Variants in BEND3 observed in about 807,000 individuals in gnomAD.
BEND3 encodes BEN domain containing 3.
A neutral mutation model predicts 60.1 loss-of-function variants in BEND3; 13 were observed. The ratio of observed to expected loss-of-function variants is 0.22; its 90% confidence interval spans 0.14 to 0.34. The LOEUF (loss-of-function observed/expected upper bound fraction) is 0.34. Among genes scored for constraint, BEND3 ranks in the 10% least tolerant of loss-of-function variants. The probability of loss-of-function intolerance (pLI) is 1.00; values close to 1 mark genes in which losing one functional copy is unlikely to be tolerated. For missense variants in BEND3, 896 were observed against 1,138.1 expected (o/e 0.79, Z 3.06); for synonymous variants, 497 against 491.5 (o/e 1.01, Z -0.15).
intron 3 of BEND3, among the ~76,000 whole-genome samples, chr6:107,097,210 T>C (rs1582664065): frequency 6.6e-6 from 1 of 150,844 alleles, no homozygotes; most frequent in African/African-American, 2.4e-5. Flanking sequence ...CTACTAAAAA[T>C]ACAAAAATTA....
intron 1 of BEND3, among the ~76,000 whole-genome samples, chr6:107,105,737 G>A (rs941506947): frequency 6.6e-6 from 1 of 152,160 alleles, no homozygotes; most frequent in Non-Finnish European, 1.5e-5. Context: ...AGCTGACTCC[G>A]GATTTTACCC....
intron 1 of BEND3, among the ~76,000 whole-genome samples, chr6:107,109,589 A>T (rs1775897709): frequency 2.6e-5 from 4 of 151,360 alleles, no homozygotes; most frequent in Non-Finnish European, 5.9e-5. Context: ...AAATACAAAA[A>T]AATTGCCGGC....
At chr6:107,077,449 C>T (rs1013099852) in intron 3 of BEND3, among the ~76,000 whole-genome samples, 24 of 152,088 alleles carry the variant, frequency 1.6e-4, no homozygotes, top group African/African-American at 5.1e-4. Flanking sequence ...AGCATCAATA[C>T]GGTGACCTCC....
At chr6:107,099,401 T>A in intron 1 of BEND3, 105 bp from the exon 2 acceptor site, 1 of 950,592 alleles carries the variant, frequency 1.1e-6, no homozygotes, top group Non-Finnish European at 1.7e-6. Flanking sequence ...CAGCTCTAGG[T>A]AACAGAGCAG....
At chr6:107,082,672 G>A (rs949806482) in intron 3 of BEND3, among the ~76,000 whole-genome samples, 7 of 152,066 alleles carry the variant, frequency 4.6e-5, no homozygotes, top group South Asian at 4.2e-4. Context: ...CAGGTGATCC[G>A]CTTGCCTCAG....
chr6:107,068,562 G>A lies in BEND3; in HGVS notation c.*142C>T. ...TGCGGTTGGGTGGGTGTTTACGTGT[G>A]CAAATGTAGTAAGCCACTCCCCACG... On this transcript the variant is annotated 3_prime_UTR_variant, in exon 4 of 4. Coordinates refer to ENST00000369042, the MANE Select transcript of BEND3 (RefSeq NM_001367314.1). This position sits in a 1 kb window ranked among gnomAD's most constrained non-coding sequence, Gnocchi z 5.8. 5.5e-6 allele frequency: 5 copies of A among 905,416 alleles called. No homozygotes were observed. The South Asian group carries it at 7.1e-5, about 13-fold the overall frequency. 56.1% of individuals were successfully genotyped at this position (905,416 alleles called of 1,614,324 possible).
chr6:107,102,215 T>A (rs1245278148), intron 1 of BEND3, among the ~76,000 whole-genome samples: 3 of 152,144 alleles, frequency 2.0e-5, no homozygotes, highest in African/African-American at 7.2e-5. Flanking sequence ...CAACCATGTG[T>A]CTCTGGCAGG....
chr6:107,109,362 G>T (rs1775890422), intron 1 of BEND3, among the ~76,000 whole-genome samples: 1 of 145,548 alleles, frequency 6.9e-6, no homozygotes, highest in South Asian at 2.2e-4. Flanking sequence ...GAGAATCCTT[G>T]AACCTGGGAG....
At chr6:107,076,929 C>T (rs1440633239) in intron 3 of BEND3, among the ~76,000 whole-genome samples, 2 of 151,938 alleles carry the variant, frequency 1.3e-5, no homozygotes, top group Admixed American at 1.3e-4. Flanking sequence ...GCCATCACTC[C>T]CCACCCTCCC....
At chr6:107,103,894 G>A (rs1385204367) in intron 1 of BEND3, among the ~76,000 whole-genome samples, 3 of 149,836 alleles carry the variant, frequency 2.0e-5, no homozygotes, top group African/African-American at 4.9e-5. Context: ...GTTGTGAGGA[G>A]CCGAGATCGC....
At position 107,099,264 on chromosome 6, in the gene BEND3, C is replaced by T. The variant is rs782665449; in HGVS notation, c.22G>A (p.Glu8Lys). 15 of 1,610,388 alleles carry T rather than the reference C, an allele frequency of 9.3e-6. No individual in the cohort carries two copies. In the Admixed American group the frequency reaches 1.0e-4, roughly 11 times the overall value. ...TTTTTTTTACCTTCTTCTACATCTT[C>T]GGTGAATTCAGTTGAGTTCATCTTC... MNSTEFT[E>K]DVEEVLKSIT... is the part of the protein sequence containing the mutation. The change falls in exon 2 of 4, where the codon GAA becomes AAA. Residue 8 changes from glutamate to lysine, a missense_variant. By Grantham distance (56) the Glu-to-Lys change is moderately conservative. This residue lies in a region of BEND3 where 846 missense variants were observed against 1,036.7 expected (regional missense o/e 0.82). Coordinates refer to ENST00000369042, the MANE Select transcript of BEND3 (RefSeq NM_001367314.1).
chr6:107,090,689 C>T (rs1454888219), intron 3 of BEND3, among the ~76,000 whole-genome samples: 1 of 152,098 alleles, frequency 6.6e-6, no homozygotes, highest in East Asian at 1.9e-4. Context: ...ACTCACACCA[C>T]TTCTGAAGTG....
At chr6:107,085,664 T>C (rs922882403) in intron 3 of BEND3, among the ~76,000 whole-genome samples, 42 of 151,904 alleles carry the variant, frequency 2.8e-4, no homozygotes, top group Middle Eastern at 3.4e-3. Context: ...ACTAATTTTT[T>C]GTATTTTTAG....
chr6:107,107,652 G>A (rs1014861986), intron 1 of BEND3, among the ~76,000 whole-genome samples: 4 of 151,978 alleles, frequency 2.6e-5, no homozygotes, highest in African/African-American at 9.7e-5. Context: ...CAGTAGAGAC[G>A]GGGTTTTACC....
Position 107,068,836 on chromosome 6 carries a change from T to C in BEND3, c.2355A>G (p.Glu785=). Residue 785 remains glutamate (E), a synonymous_variant, in exon 4 of 4, where the codon GAA becomes GAG. Transcript: ENST00000369042. This position sits in a 1 kb window ranked among gnomAD's most constrained non-coding sequence, Gnocchi z 5.8. The part of the protein sequence containing the change: ...TRLRLIRHYV[E]AVYPVEKMEE... ...CCATCTTCTCCACCGGGTAGACGGC[T>C]TCCACGTAGTGGCGGATGAGCCGCA... The C allele has an allele frequency of 6.2e-7, 1 of 1,614,148 alleles. No homozygotes were observed. The highest frequency in any genetic ancestry group is 8.5e-7 in the Non-Finnish European group (1 of 1,180,044).
intron 1 of BEND3, among the ~76,000 whole-genome samples, chr6:107,101,056 G>C (rs944496966): frequency 6.6e-6 from 1 of 152,132 alleles, no homozygotes; most frequent in Non-Finnish European, 1.5e-5. Flanking sequence ...ACAAAAATTA[G>C]CTGGGCATGG....
chr6:107,081,222 C>CTT (rs371738822), intron 3 of BEND3, among the ~76,000 whole-genome samples: 10 of 128,444 alleles, frequency 7.8e-5, no homozygotes, highest in South Asian at 2.6e-4. Context: ...TTTACACAAA[C>CTT]TTTTTTTTTT....
chr6:107,071,357 C>T (rs1375975977), intron 3 of BEND3, among the ~76,000 whole-genome samples: 6 of 152,046 alleles, frequency 3.9e-5, no homozygotes, highest in African/African-American at 1.4e-4. Flanking sequence ...CCCCATGGAC[C>T]CGTGCCTTCG....
intron 1 of BEND3, among the ~76,000 whole-genome samples, chr6:107,104,721 T>C (rs1272576149): frequency 6.6e-6 from 1 of 151,892 alleles, no homozygotes; most frequent in African/African-American, 2.4e-5. Flanking sequence ...CAGGCTGCAG[T>C]GCAGTGGTAT....
Sources: gnomAD v4.1 joint callset for allele counts (sites outside exome capture counted in the v4.1 genomes callset) on GRCh38, gnomAD v4.1.1 for gene constraint, gnomAD v4.1.1 regional missense constraint, Gnocchi (gnomAD v3.1) non-coding constraint, MANE v1.5 for transcripts, NCBI Gene and HGNC (gene_info 2026-07-23, HGNC 2026-07-21) for gene names.